FOXN2: variants seen among roughly 807,000 people sequenced by gnomAD.
FOXN2 encodes the protein forkhead box protein N2.
FOXN2 carries 19 observed loss-of-function variants against 41.2 expected under a neutral mutation model. That is an observed-to-expected ratio of 0.46 (90% CI 0.32 to 0.68). The LOEUF (loss-of-function observed/expected upper bound fraction) is 0.68. Among genes scored for constraint, FOXN2 ranks in the 30% least tolerant of loss-of-function variants. FOXN2 has a pLI of 0.03. For synonymous variants in FOXN2, 195 were observed against 176.8 expected, an observed-to-expected ratio of 1.10 and a Z score of -0.82; for missense variants, 587 against 509.4, an observed-to-expected ratio of 1.15 and a Z score of -1.47.
At chr2:48,339,830 C>T (rs1368932229) in intron 2 of FOXN2, among the ~76,000 whole-genome samples, 1 of 152,172 alleles carries the variant, frequency 6.6e-6, no homozygotes, top group South Asian at 2.1e-4. Context: ...TGAACAAAGA[C>T]TTCTATAACA....
intron 2 of FOXN2, among the ~76,000 whole-genome samples, chr2:48,342,762 GT>G (rs1558623343): frequency 6.6e-6 from 1 of 152,096 alleles, no homozygotes; most frequent in Non-Finnish European, 1.5e-5. Flanking sequence ...TATAAGGATA[GT>G]TTATAAACGG....
At chr2:48,362,508 G>C (rs1026536317) in intron 4 of FOXN2, 135 bp from the exon 5 acceptor site, 27 of 690,718 alleles carry the variant, frequency 3.9e-5, no homozygotes, top group Non-Finnish European at 6.3e-5. Context: ...AGTCAAGGCT[G>C]CAGTAGGCTG....
intron 2 of FOXN2, among the ~76,000 whole-genome samples, chr2:48,338,736 T>C (rs1000936195): frequency 6.6e-6 from 1 of 152,162 alleles, no homozygotes; most frequent in Non-Finnish European, 1.5e-5. Flanking sequence ...CAATTTTATG[T>C]TTATATGTGA....
intron 3 of FOXN2, among the ~76,000 whole-genome samples, chr2:48,351,647 A>T (rs1013048397): frequency 6.6e-6 from 1 of 152,082 alleles, no homozygotes; most frequent in Non-Finnish European, 1.5e-5. Context: ...TCACATGCAC[A>T]GTTCACAATA....
intron 5 of FOXN2, among the ~76,000 whole-genome samples, chr2:48,370,711 C>G (rs953295540): frequency 6.6e-6 from 1 of 152,110 alleles, no homozygotes; most frequent in African/African-American, 2.4e-5. Context: ...TGTTAATCCC[C>G]TGTCAGATGA....
intron 3 of FOXN2, among the ~76,000 whole-genome samples, chr2:48,352,181 C>T (rs1034667675): frequency 6.6e-6 from 1 of 152,030 alleles, no homozygotes; most frequent in Non-Finnish European, 1.5e-5. Flanking sequence ...TTACCTTAAA[C>T]AATATCTGAA....
At chr2:48,336,664 A>G (rs1425897970) in intron 2 of FOXN2, among the ~76,000 whole-genome samples, 2 of 152,154 alleles carry the variant, frequency 1.3e-5, no homozygotes, top group Non-Finnish European at 2.9e-5. Context: ...AAAGAGCAGG[A>G]TACCAAAAAG....
chr2:48,339,275 TC>T (rs1454575626), intron 2 of FOXN2, among the ~76,000 whole-genome samples: 1 of 152,154 alleles, frequency 6.6e-6, no homozygotes, highest in Non-Finnish European at 1.5e-5. Flanking sequence ...TTAATTGTAA[TC>T]CGAATTGTAA....
At chr2:48,336,089 A>G (rs1670329261) in intron 2 of FOXN2, among the ~76,000 whole-genome samples, 1 of 149,912 alleles carries the variant, frequency 6.7e-6, no homozygotes, top group African/African-American at 2.5e-5. Flanking sequence ...GGAGAAGGTG[A>G]TTGGAGCTAG....
intron 3 of FOXN2, among the ~76,000 whole-genome samples, chr2:48,357,668 C>T (rs143822769): frequency 2.6e-5 from 4 of 151,998 alleles, no homozygotes; most frequent in African/African-American, 9.6e-5. Flanking sequence ...AACTCCTGAG[C>T]ACAAGCAATC....
chr2:48,346,172 T>TCTTAA, intron 2 of FOXN2, 29 bp from the exon 3 acceptor site: 2 of 1,523,648 alleles, frequency 1.3e-6, no homozygotes, highest in Non-Finnish European at 1.8e-6. Flanking sequence ...TCTAAAGTAT[T>TCTTAA]ACATTGATAA....
upstream of FOXN2, among the ~76,000 whole-genome samples, chr2:48,314,419 C>A (rs1291519508): frequency 6.6e-6 from 1 of 152,246 alleles, no homozygotes; most frequent in African/African-American, 2.4e-5. Flanking sequence ...TCCGTGTGAG[C>A]CCCGCCCTTC....
At chr2:48,332,602 T>C (rs982773745) in intron 2 of FOXN2, among the ~76,000 whole-genome samples, 11 of 152,216 alleles carry the variant, frequency 7.2e-5, no homozygotes, top group Admixed American at 2.6e-4. Context: ...ATTTCAAAAC[T>C]TCAAAATATA....
At chr2:48,368,958 G>T (rs1021563633) in intron 5 of FOXN2, among the ~76,000 whole-genome samples, 1 of 152,102 alleles carries the variant, frequency 6.6e-6, no homozygotes, top group Non-Finnish European at 1.5e-5. Flanking sequence ...ATAAGATACA[G>T]GCAAAATCCT....
In FOXN2 at chr2:48,346,724, T is replaced by C; in HGVS notation, c.510T>C (p.Phe170=). 1.3e-6 allele frequency: 2 copies of C among 1,595,188 alleles called. No homozygotes were observed. The highest frequency in any genetic ancestry group is 1.7e-6 in the Non-Finnish European group (2 of 1,173,656). ...VRHNLSLNKC[F]QKVERSHGKV... ...ATAATCTGTCCCTGAATAAATGTTT[T>C]CAGAAAGTGGAAAGAAGCCATGGCA... The change falls in exon 3 of 7, where the codon TTT becomes TTC. Residue 170 remains phenylalanine (F), a synonymous_variant. Transcript: ENST00000340553.
At chr2:48,313,986 T>C (rs1220770485), upstream of FOXN2, among the ~76,000 whole-genome samples, 3 of 152,254 alleles carry the variant, frequency 2.0e-5, no homozygotes, top group Non-Finnish European at 4.4e-5. Flanking sequence ...CTGTAAATCC[T>C]ATGCACATTA....
chr2:48,377,959 T>G lies in FOXN2; in HGVS notation c.*2516T>G, dbSNP rs1468433712. ...TGTATTCCCTATAATATACAAATTT[T>G]CCTGTAATAAAGTCAACTTAGAAAC... On this transcript the variant is annotated 3_prime_UTR_variant, in exon 7 of 7. Coordinates refer to ENST00000340553, the MANE Select transcript of FOXN2 (RefSeq NM_002158.4). 6.6e-6 allele frequency: 1 copy of G among 152,044 alleles called. No individual in the cohort carries two copies. Among genetic ancestry groups the G allele is most frequent in the Non-Finnish European group, 1.5e-5 (1 of 67,884 alleles). 9.4% of individuals were successfully genotyped at this position (152,044 alleles called of 1,614,324 possible).
intron 1 of FOXN2, among the ~76,000 whole-genome samples, chr2:48,317,595 CTTTTTT>C (rs574980247): frequency 2.9e-5 from 1 of 34,744 alleles, no homozygotes; most frequent in African/African-American, 8.7e-5. Flanking sequence ...TATAGTATTG[CTTTTTT>C]TTTTTTTTTT....
intron 5 of FOXN2, among the ~76,000 whole-genome samples, chr2:48,371,507 T>C (rs1419942409): frequency 6.6e-6 from 1 of 152,186 alleles, no homozygotes; most frequent in Non-Finnish European, 1.5e-5. Flanking sequence ...TTTTGGTTAC[T>C]ACAGCTTTGT....
Sources: allele counts gnomAD v4.1 joint callset (sites outside exome capture counted in the v4.1 genomes callset), GRCh38; gene constraint gnomAD v4.1.1; transcripts MANE v1.5; gene names NCBI Gene and HGNC (gene_info 2026-07-23, HGNC 2026-07-21).